Variants in TPM4 observed in about 807,000 individuals in gnomAD.
TPM4 encodes the protein tropomyosin alpha-4 chain.
TPM4 carries 17 observed loss-of-function variants against 35.8 expected under a neutral mutation model. That is an observed-to-expected ratio of 0.47 (90% CI 0.32 to 0.71). The LOEUF (loss-of-function observed/expected upper bound fraction) is 0.71, where lower values mean the gene tolerates loss of function less well. Among genes scored for constraint, TPM4 ranks in the 30% least tolerant of loss-of-function variants. The pLI is 0.03. For missense variants in TPM4, 240 were observed against 320.9 expected (o/e 0.75, Z 1.93); for synonymous variants, 120 against 122.9 (o/e 0.98, Z 0.15).
intron 2 of TPM4, among the ~76,000 whole-genome samples, chr19:16,084,743 A>G (rs1478658704): frequency 6.6e-6 from 1 of 152,156 alleles, no homozygotes; most frequent in Non-Finnish European, 1.5e-5. Flanking sequence ...TTTTGGGGCA[A>G]TAAATAACCC....
intron 3 of TPM4, 118 bp from the exon 4 acceptor site, chr19:16,087,909 C>A: frequency 9.3e-7 from 1 of 1,072,574 alleles, no homozygotes; most frequent in African/African-American, 1.6e-5. Context: ...ACCAGAAAAA[C>A]CCATGTTGCA....
At chr19:16,088,530 G>C in intron 4 of TPM4, 1 of 1,049,402 alleles carries the variant, frequency 9.5e-7, no homozygotes, top group Non-Finnish European at 1.2e-6. Context: ...AGCTTAACCA[G>C]AATCCCACAA....
rs2090313713 is a variant in TPM4 at position 16,067,867 on chromosome 19, G to T, written c.114+129G>T. The T allele has an allele frequency of 1.2e-6, 1 of 831,262 alleles. No homozygotes were observed. The highest frequency in any genetic ancestry group is 1.8e-6 in the Non-Finnish European group (1 of 549,742). 51.5% of individuals were successfully genotyped at this position (831,262 alleles called of 1,614,324 possible). A position where few individuals can be genotyped will look rare whatever the true frequency, so the allele number is the denominator to read the frequency against. On this transcript the variant is annotated intron_variant, in intron 2 of 2. Coordinates refer to the TPM4 transcript ENST00000589897. This position sits in a 1 kb window ranked among gnomAD's most constrained non-coding sequence, Gnocchi z 4.1. The stretch of plus-strand genomic sequence containing the variant: ...ATAGGAGGCTGATGCTTTGGCGGAG[G>T]AAGAGCGAGGGGACCATTGCCTTCC...
rs111263118 is a variant in TPM4, at chr19:16,067,594, C to A, written c.-31C>A. The stretch of plus-strand genomic sequence containing the variant: ...CGCAGCCCCCACAGAGCCCGCCGCG[C>A]ACCCCACGTCCCCCACGCCAGCGCC... On this transcript the variant is annotated 5_prime_UTR_variant, in exon 2 of 3. Coordinates refer to the TPM4 transcript ENST00000589897. The surrounding 1 kb of genome is among the most constrained non-coding windows in gnomAD (Gnocchi z 4.1). 2.5e-4 allele frequency: 399 copies of A among 1,600,678 alleles called. 2 individuals are homozygous for A. In the African/African-American group the frequency reaches 4.1e-3, roughly 17 times the overall value.
At chr19:16,073,963 C>CAAAA (rs34116610), upstream of TPM4, among the ~76,000 whole-genome samples, 4 of 71,880 alleles carry the variant, frequency 5.6e-5, no homozygotes, top group Admixed American at 2.2e-4. Context: ...AAAAAAAACG[C>CAAAA]AAAAAAAAAA....
At chr19:16,089,146 G>A in intron 5 of TPM4, 26 bp downstream of exon 5, 1 of 1,612,514 alleles carries the variant, frequency 6.2e-7, no homozygotes, top group Non-Finnish European at 8.5e-7. Context: ...GAGCTGGAGG[G>A]TGGCTTGCTG....
chr19:16,080,595 G>T (rs1443099248), intron 1 of TPM4, among the ~76,000 whole-genome samples: 3 of 152,180 alleles, frequency 2.0e-5, no homozygotes, highest in Non-Finnish European at 4.4e-5. Flanking sequence ...TGGATCACGT[G>T]AGGCCAGGAG....
At chr19:16,077,428 C>A (rs1398235764) in intron 1 of TPM4, 1 of 152,206 alleles carries the variant, frequency 6.6e-6, no homozygotes. Context: ...ATCGTTTGAG[C>A]GCCTGCTGTG....
chr19:16,090,544 G>A (rs1209172768), intron 5 of TPM4, among the ~76,000 whole-genome samples: 3 of 152,054 alleles, frequency 2.0e-5, no homozygotes, highest in Admixed American at 6.6e-5. Flanking sequence ...GGAGGCCGCC[G>A]AGCCTGGCCT....
In TPM4 at chr19:16,101,616, T is replaced by C; in HGVS notation, c.*270T>C. ...TTTATTCCTAAGGTAGGCAGGGTATTTCCTAGTAAGCATACTTTCTTAAGA... is the reference window on the plus strand; with the variant it reads ...TTTATTCCTAAGGTAGGCAGGGTATCTCCTAGTAAGCATACTTTCTTAAGA... On this transcript the variant is annotated 3_prime_UTR_variant, in exon 8 of 8. Coordinates refer to ENST00000643579, the MANE Select transcript of TPM4 (RefSeq NM_003290.3). 2.8e-6 allele frequency: 1 copy of C among 362,328 alleles called. No individual in the cohort carries two copies. The highest frequency in any genetic ancestry group is 5.1e-6 in the Non-Finnish European group (1 of 196,244). The allele number at this position is 362,328 out of a possible 1,614,324, so 22.4% of individuals were successfully genotyped here.
upstream of TPM4, chr19:16,076,374 G>A (rs990152427): frequency 7.1e-6 from 10 of 1,417,838 alleles, no homozygotes; most frequent in African/African-American, 1.5e-5. Flanking sequence ...TCCCCCAGCG[G>A]TGCTGACGTC....
chr19:16,092,190 A>G (rs1204035080), intron 5 of TPM4, among the ~76,000 whole-genome samples: 1 of 151,796 alleles, frequency 6.6e-6, no homozygotes. Context: ...AAAAAAAAAA[A>G]AGAAAAGAAA....
At chr19:16,095,794 A>G (rs1194840545) in intron 7 of TPM4, 1 of 162,590 alleles carries the variant, frequency 6.2e-6, no homozygotes. Flanking sequence ...TTTGTCACCC[A>G]GGCTGGAGTG....
In TPM4 at chr19:16,082,084, T is replaced by C; in HGVS notation, c.266+38T>C. The C allele has an allele frequency of 3.8e-6, 6 of 1,578,808 alleles. No individual in the cohort carries two copies. The South Asian group carries it at 6.7e-5, about 18-fold the overall frequency. On this transcript the variant is annotated intron_variant, in intron 2 of 7. Transcript: ENST00000643579. ...TGAATCTGGTGGCATCCGTGTTTGC[T>C]TTTAGAAAATGGGGATCATGCTGCC...
intron 5 of TPM4, among the ~76,000 whole-genome samples, chr19:16,090,496 C>A (rs1326116416): frequency 6.6e-6 from 1 of 151,804 alleles, no homozygotes; most frequent in Non-Finnish European, 1.5e-5. Flanking sequence ...TCAAGTGATC[C>A]TCCCACCTTG....
At chr19:16,089,666 C>A (rs553323781) in intron 5 of TPM4, among the ~76,000 whole-genome samples, 8 of 140,144 alleles carry the variant, frequency 5.7e-5, no homozygotes, top group East Asian at 2.5e-4. Context: ...CTCCACCCCC[C>A]ACTTTTTTTT....
chr19:16,086,593 T>C (rs2090556154), intron 3 of TPM4, 53 bp downstream of exon 3: 5 of 1,499,952 alleles, frequency 3.3e-6, no homozygotes, highest in Non-Finnish European at 4.6e-6. Flanking sequence ...GAAATGCATC[T>C]GCTGAGATAG....
upstream of TPM4, among the ~76,000 whole-genome samples, chr19:16,073,980 GCACA>G (rs1203038061): frequency 1.7e-5 from 1 of 59,974 alleles, no homozygotes; most frequent in Non-Finnish European, 3.7e-5. Flanking sequence ...AAAAAATAAT[GCACA>G]CACACACACA....
At chr19:16,071,591 G>A (rs1159489363), upstream of TPM4, among the ~76,000 whole-genome samples, 1 of 152,212 alleles carries the variant, frequency 6.6e-6, no homozygotes, top group East Asian at 1.9e-4. Flanking sequence ...CTGAAGTTCA[G>A]GTGTGGAACT....
Sources: gnomAD v4.1 joint callset for allele counts (sites outside exome capture counted in the v4.1 genomes callset) on GRCh38, gnomAD v4.1.1 for gene constraint, Gnocchi (gnomAD v3.1) non-coding constraint, MANE v1.5 for transcripts, NCBI Gene and HGNC (gene_info 2026-07-23, HGNC 2026-07-21) for gene names.